Variants in XRN2 observed in about 807,000 individuals in gnomAD.
XRN2 encodes the protein DHM1-like protein.
Under a neutral mutation model 138.5 loss-of-function variants are expected in XRN2, and 44 were observed. The ratio of observed to expected loss-of-function variants is 0.32; its 90% CI spans 0.25 to 0.41. XRN2 has a LOEUF of 0.41. XRN2 is among the 10% of genes least tolerant of loss of function. The pLI is 1.00. For missense variants in XRN2, 937 were observed against 1,169.3 expected, an observed-to-expected ratio of 0.80 and a Z score of 2.90; for synonymous variants, 354 against 369.4, an observed-to-expected ratio of 0.96 and a Z score of 0.48.
At chr20:21,361,875 T>A (rs1351659284) in intron 24 of XRN2, among the ~76,000 whole-genome samples, 3 of 152,228 alleles carry the variant, frequency 2.0e-5, no homozygotes, top group Non-Finnish European at 4.4e-5. Flanking sequence ...GTATACATTT[T>A]TGGGAACAAA....
At chr20:21,364,010 C>T (rs6137329) in intron 24 of XRN2, among the ~76,000 whole-genome samples, 12,493 of 152,074 alleles carry the variant, frequency 0.082, 600 homozygotes, top group East Asian at 0.16. Flanking sequence ...TGGCTCACTG[C>T]GACCTCTGCC....
At chr20:21,335,917 C>T (rs2038282334) in intron 13 of XRN2, among the ~76,000 whole-genome samples, 1 of 152,180 alleles carries the variant, frequency 6.6e-6, no homozygotes, top group African/African-American at 2.4e-5. Flanking sequence ...GAAGTCATGC[C>T]ATGTCCTTCA....
intron 4 of XRN2, among the ~76,000 whole-genome samples, chr20:21,329,523 AATAAATTT>A (rs1194724275): frequency 6.6e-6 from 1 of 152,250 alleles, no homozygotes; most frequent in African/African-American, 2.4e-5. Context: ...CTGCAATTAC[AATAAATTT>A]TATATTACTT....
chr20:21,312,601 GATTTTTTTTT>G (rs2037897176), intron 1 of XRN2, among the ~76,000 whole-genome samples: 2 of 68,982 alleles, frequency 2.9e-5, no homozygotes, highest in Non-Finnish European at 5.7e-5. Flanking sequence ...CAAACCCCAA[GATTTTTTTTT>G]TTTTTTTTTT....
chr20:21,346,424 A>G lies in XRN2; in HGVS notation c.1539A>G (p.Glu513=). ...PEPEDNVRLW[E]AGWKQRYYKN... ...CTGTGCCTGGTTTTAGGTTATGGGA[A>G]GCTGGCTGGAAGCAGCGGTACTACA... is the stretch of plus-strand genomic sequence containing the variant. Residue 513 remains glutamate, a synonymous_variant, in exon 17 of 30, where the codon GAA becomes GAG. Coordinates refer to ENST00000377191, the MANE Select transcript of XRN2 (RefSeq NM_012255.5). 6.2e-7 allele frequency: 1 copy of G among 1,614,110 alleles called. No homozygotes were observed. Among genetic ancestry groups the G allele is most frequent in the Non-Finnish European group, 8.5e-7 (1 of 1,179,990 alleles).
intron 21 of XRN2, among the ~76,000 whole-genome samples, chr20:21,355,585 C>T (rs537835446): frequency 6.6e-6 from 1 of 152,048 alleles, no homozygotes; most frequent in East Asian, 1.9e-4. Context: ...TATATTCATA[C>T]GTATTTCAGT....
intron 1 of XRN2, among the ~76,000 whole-genome samples, chr20:21,314,654 CTTTT>C (rs112271498): frequency 1.4e-5 from 2 of 145,892 alleles, no homozygotes; most frequent in African/African-American, 5.0e-5. Context: ...GCTTGGCTAA[CTTTT>C]TTTTTTTTTA....
chr20:21,338,841 G>A (rs967108593), intron 13 of XRN2, among the ~76,000 whole-genome samples: 16 of 152,112 alleles, frequency 1.1e-4, no homozygotes, highest in Admixed American at 7.9e-4. Flanking sequence ...CAATTGAATT[G>A]TATCTAAATT....
At chr20:21,325,138 A>G (rs1451710066) in intron 1 of XRN2, among the ~76,000 whole-genome samples, 5 of 152,194 alleles carry the variant, frequency 3.3e-5, no homozygotes, top group African/African-American at 1.2e-4. Flanking sequence ...TTCATCCATG[A>G]TGTAGTATGT....
chr20:21,332,702 G>A lies in XRN2; in HGVS notation c.858+262G>A, dbSNP rs569001775. Among the ~76,000 whole-genome samples, 15 of 151,792 alleles carry A rather than the reference G, an allele frequency of 9.9e-5. No individual in the cohort carries two copies. The South Asian group carries it at 1.9e-3, about 19-fold the overall frequency. On this transcript the variant is annotated intron_variant, in intron 9 of 29. Coordinates refer to ENST00000377191, the MANE Select transcript of XRN2 (RefSeq NM_012255.5). The stretch of plus-strand genomic sequence containing the variant: ...CTTTTGAGACAGTCTCGACAGAGAC[G>A]AATCTTTTAAAGTACTTTAAAATAA...
intron 13 of XRN2, among the ~76,000 whole-genome samples, chr20:21,338,492 T>A (rs1484509986): frequency 6.6e-6 from 1 of 152,142 alleles, no homozygotes. Flanking sequence ...ATTTTTGGAA[T>A]CTGGCCAGGG....
intron 13 of XRN2, among the ~76,000 whole-genome samples, chr20:21,335,835 A>C (rs2038280275): frequency 6.6e-6 from 1 of 152,172 alleles, no homozygotes; most frequent in Admixed American, 6.5e-5. Context: ...TTACAGATTT[A>C]ATTAATACGA....
chr20:21,315,179 C>T (rs1396145301), intron 1 of XRN2, among the ~76,000 whole-genome samples: 3 of 152,184 alleles, frequency 2.0e-5, no homozygotes, highest in African/African-American at 7.2e-5. Flanking sequence ...GGGACAGGAG[C>T]AAGGCTGGAC....
At chr20:21,311,345 T>C (rs1049710652) in intron 1 of XRN2, among the ~76,000 whole-genome samples, 4 of 152,348 alleles carry the variant, frequency 2.6e-5, no homozygotes, top group African/African-American at 9.6e-5. Flanking sequence ...TTTCCTTTTG[T>C]GTCTGGCTTA....
rs1309957086 is a variant in XRN2 at position 21,303,337 on chromosome 20, G to A, written c.-62G>A. ...GGAAGTGCTGGTGCCCTCTGCCGCT[G>A]CTCCCGTCTCTTTGGTTACGCTCGT... On this transcript the variant is annotated 5_prime_UTR_variant, in exon 1 of 30. Coordinates refer to ENST00000377191, the MANE Select transcript of XRN2 (RefSeq NM_012255.5). 3.9e-6 allele frequency: 6 copies of A among 1,529,682 alleles called. No homozygotes were observed. In the South Asian group the frequency reaches 4.9e-5, roughly 12 times the overall value. 94.8% of individuals were successfully genotyped at this position (1,529,682 alleles called of 1,614,324 possible).
chr20:21,307,026 A>G (rs1181899192), intron 1 of XRN2, among the ~76,000 whole-genome samples: 1 of 76,424 alleles, frequency 1.3e-5, no homozygotes, highest in African/African-American at 3.6e-5. Flanking sequence ...GATTATTGTT[A>G]TGTTTATTAT....
At chr20:21,347,645 T>A (rs2038454283) in intron 17 of XRN2, among the ~76,000 whole-genome samples, 1 of 152,240 alleles carries the variant, frequency 6.6e-6, no homozygotes, top group South Asian at 2.1e-4. Context: ...CTCACATGTT[T>A]TTATAGTCAA....
chr20:21,365,364 C>A, intron 24 of XRN2, 57 bp from the exon 25 acceptor site: 1 of 1,544,042 alleles, frequency 6.5e-7, no homozygotes. Context: ...CCTCAGTCTA[C>A]ATGATAAGAC....
In XRN2 at chr20:21,303,377, C is replaced by G. The variant is rs1470502428; in HGVS notation, c.-22C>G. 1 of 1,542,740 alleles carries G rather than the reference C, an allele frequency of 6.5e-7. No individual in the cohort carries two copies. Among genetic ancestry groups the G allele is most frequent in the Non-Finnish European group, 8.7e-7 (1 of 1,144,274 alleles). ...GTTACGCTCGTCAGCCGGTCGGCCGCCGCCTCCAGCCGTGTGCCGCTATGG... is the reference window on the plus strand; with the variant it reads ...GTTACGCTCGTCAGCCGGTCGGCCGGCGCCTCCAGCCGTGTGCCGCTATGG... On this transcript the variant is annotated 5_prime_UTR_variant, in exon 1 of 30. Transcript: ENST00000377191.
Sources: allele counts gnomAD v4.1 joint callset (sites outside exome capture counted in the v4.1 genomes callset), GRCh38; gene constraint gnomAD v4.1.1; transcripts MANE v1.5; gene names NCBI Gene and HGNC (gene_info 2026-07-23, HGNC 2026-07-21).